Variants in KHDRBS2 observed in about 807,000 individuals in gnomAD.
The protein encoded by KHDRBS2 is KH domain-containing, RNA-binding, signal transduction-associated protein 2.
KHDRBS2 carries 26 observed loss-of-function variants against 44.3 expected under a neutral mutation model. That is an observed-to-expected ratio of 0.59 (90% confidence interval 0.43 to 0.81). KHDRBS2 has a LOEUF of 0.81. Among genes scored for constraint, KHDRBS2 ranks in the 40% least tolerant of loss-of-function variants. The pLI, the probability that KHDRBS2 is intolerant of heterozygous loss-of-function variation, is 0.00. For synonymous variants in KHDRBS2, 194 were observed against 151.1 expected (o/e 1.28, Z -2.08); for missense variants, 476 against 433.1 (o/e 1.10, Z -0.88).
At chr6:62,012,586 G>A (rs1780504750) in intron 3 of KHDRBS2, among the ~76,000 whole-genome samples, 1 of 151,976 alleles carries the variant, frequency 6.6e-6, no homozygotes, top group Non-Finnish European at 1.5e-5. Flanking sequence ...TTATATTCAA[G>A]GAAACTTAGT....
chr6:61,753,726 C>T (rs1436273223), intron 6 of KHDRBS2, among the ~76,000 whole-genome samples: 3 of 152,242 alleles, frequency 2.0e-5, no homozygotes, highest in Admixed American at 6.5e-5. Flanking sequence ...GTTGTAAAGT[C>T]GTGTGGTAGA....
chr6:61,738,713 C>A (rs1490041514), intron 6 of KHDRBS2, among the ~76,000 whole-genome samples: 1 of 151,932 alleles, frequency 6.6e-6, no homozygotes, highest in Non-Finnish European at 1.5e-5. Flanking sequence ...CTTTTCAAAT[C>A]TACCCTGGAA....
intron 2 of KHDRBS2, among the ~76,000 whole-genome samples, chr6:62,107,151 T>C (rs1172313271): frequency 2.0e-5 from 3 of 151,914 alleles, no homozygotes; most frequent in Admixed American, 6.6e-5. Context: ...GGAAGTCAAA[T>C]TGTCCCTGTT....
chr6:61,757,780 C>A (rs1778711426), intron 6 of KHDRBS2, among the ~76,000 whole-genome samples: 1 of 152,090 alleles, frequency 6.6e-6, no homozygotes. Context: ...CAAAGCAGTT[C>A]TCAGTTTAGG....
chr6:62,217,709 T>C (rs1830253819), intron 1 of KHDRBS2, among the ~76,000 whole-genome samples: 1 of 151,846 alleles, frequency 6.6e-6, no homozygotes, highest in Non-Finnish European at 1.5e-5. Flanking sequence ...CTTACATATG[T>C]AACAATAAAA....
At chr6:61,609,633 G>A in the KHDRBS2 span, among the ~76,000 whole-genome samples, 2 of 152,086 alleles carry the variant, frequency 1.3e-5, no homozygotes, top group South Asian at 4.1e-4. Flanking sequence ...CTAGTCACTG[G>A]TTTTTAGGTA....
At chr6:61,566,452 C>A in the KHDRBS2 span, among the ~76,000 whole-genome samples, 1 of 152,056 alleles carries the variant, frequency 6.6e-6, no homozygotes, top group East Asian at 1.9e-4. Flanking sequence ...TCCCAATTAC[C>A]CTGATTTGAT....
At chr6:62,176,783 A>C (rs1164038070) in intron 2 of KHDRBS2, among the ~76,000 whole-genome samples, 2 of 151,360 alleles carry the variant, frequency 1.3e-5, no homozygotes, top group African/African-American at 4.8e-5. Flanking sequence ...TAGATATATT[A>C]GTAATAATTC....
chr6:61,848,558 T>TATACAC (rs1794934578), intron 6 of KHDRBS2, among the ~76,000 whole-genome samples: 1 of 37,316 alleles, frequency 2.7e-5, no homozygotes, highest in Admixed American at 2.4e-4. Flanking sequence ...TATACATATA[T>TATACAC]ATATGTATAT....
chr6:62,185,726 C>A (rs1485565969), intron 1 of KHDRBS2, among the ~76,000 whole-genome samples: 1 of 151,792 alleles, frequency 6.6e-6, no homozygotes. Flanking sequence ...ATGCCCTAAA[C>A]CCACTAAAAT....
intron 6 of KHDRBS2, among the ~76,000 whole-genome samples, chr6:61,740,205 A>T (rs1775946726): frequency 6.6e-6 from 1 of 151,962 alleles, no homozygotes; most frequent in Admixed American, 6.6e-5. Context: ...ATTTCAAGAT[A>T]AATAAATGTT....
At chr6:62,275,579 A>G (rs1398703752) in intron 1 of KHDRBS2, among the ~76,000 whole-genome samples, 1 of 152,206 alleles carries the variant, frequency 6.6e-6, no homozygotes, top group East Asian at 1.9e-4. Flanking sequence ...ATGTAAATCA[A>G]GTTCCAGAAA....
chr6:62,243,742 T>C (rs1835078952), intron 1 of KHDRBS2, among the ~76,000 whole-genome samples: 1 of 152,088 alleles, frequency 6.6e-6, no homozygotes, highest in African/African-American at 2.4e-5. Flanking sequence ...TCTCAGTTTA[T>C]AATCATTTGG....
intron 2 of KHDRBS2, among the ~76,000 whole-genome samples, chr6:62,110,690 AAC>A (rs1184053061): frequency 2.0e-5 from 3 of 152,100 alleles, no homozygotes; most frequent in Admixed American, 1.3e-4. Flanking sequence ...TGAAAAGCGA[AAC>A]AGTGTCCTGG....
rs16881176 is a variant in KHDRBS2, at chr6:62,127,016, C to T, written c.219+50169G>A. ...GAATAAGTTATTAAATAATGCTGCA[C>T]CATCTTTCACAATAAGGTAAGTAAA... is the stretch of plus-strand genomic sequence containing the variant. On this transcript the variant is annotated intron_variant, in intron 2 of 8. Transcript: ENST00000281156. 9.5e-3 allele frequency among the ~76,000 whole-genome samples: 1,449 copies of T among 152,180 alleles called. 24 individuals carry two copies. The highest frequency in any genetic ancestry group is 0.034 in the African/African-American group (1,393 of 41,528).
At chr6:61,792,958 AAC>A (rs1237609841) in intron 6 of KHDRBS2, among the ~76,000 whole-genome samples, 5 of 152,034 alleles carry the variant, frequency 3.3e-5, no homozygotes, top group African/African-American at 1.2e-4. Context: ...GGGCCAAGAA[AAC>A]AGTTAAGAAG....
intron 4 of KHDRBS2, among the ~76,000 whole-genome samples, chr6:61,955,287 C>T (rs1245101679): frequency 4.2e-5 from 6 of 141,286 alleles, no homozygotes; most frequent in African/African-American, 1.3e-4. Context: ...TATACTCATA[C>T]GTATGTATGT....
chr6:61,949,130 T>C (rs1005170474), intron 4 of KHDRBS2, among the ~76,000 whole-genome samples: 3 of 152,118 alleles, frequency 2.0e-5, no homozygotes, highest in Non-Finnish European at 4.4e-5. Context: ...GCTGTGATTG[T>C]CATCCTGTCC....
At chr6:61,891,622 G>T (rs955341658) in intron 6 of KHDRBS2, among the ~76,000 whole-genome samples, 4 of 152,046 alleles carry the variant, frequency 2.6e-5, no homozygotes, top group African/African-American at 9.7e-5. Context: ...ACATAACCCA[G>T]CATATAAACA....
Sources: allele counts gnomAD v4.1 joint callset (sites outside exome capture counted in the v4.1 genomes callset), GRCh38; gene constraint gnomAD v4.1.1; transcripts MANE v1.5; gene names NCBI Gene and HGNC (gene_info 2026-07-23, HGNC 2026-07-21).